SLC6A3: variants seen among roughly 807,000 people sequenced by gnomAD.
SLC6A3 encodes the protein solute carrier family 6 member 3, also known as sodium-dependent dopamine transporter.
SLC6A3 carries 19 observed loss-of-function variants against 70.4 expected under a neutral mutation model. The observed-to-expected ratio is 0.27, with a 90% CI of 0.19 to 0.40. The LOEUF is 0.40. SLC6A3 is among the 10% of genes least tolerant of loss of function. The pLI is 1.00. For missense variants in SLC6A3, 613 were observed against 838.5 expected (o/e 0.73, Z 3.32); for synonymous variants, 368 against 356.6 (o/e 1.03, Z -0.36).
chr5:1,439,508 G>A (rs975687704), intron 3 of SLC6A3, among the ~76,000 whole-genome samples: 18 of 152,322 alleles, frequency 1.2e-4, no homozygotes, highest in African/African-American at 4.1e-4. Flanking sequence ...GCATTTCCAC[G>A]GCTGCGAGAC....
chr5:1,419,179 GCTAC>G (rs1406369619), intron 6 of SLC6A3, among the ~76,000 whole-genome samples: 1 of 141,050 alleles, frequency 7.1e-6, no homozygotes, highest in Non-Finnish European at 1.5e-5. Flanking sequence ...ATACTATCCA[GCTAC>G]CTACCTATCA....
In SLC6A3 at chr5:1,402,923, T is replaced by A. The variant is rs757597222; in HGVS notation, c.1766A>T (p.Glu589Val). 4.8e-5 allele frequency: 78 copies of A among 1,612,882 alleles called. No individual in the cohort carries two copies. The highest frequency in any genetic ancestry group is 1.0e-5 in the Non-Finnish European group (12 of 1,179,954). The change falls in exon 13 of 15, where the codon GAG (glutamate) becomes GTG (valine). Residue 589 changes from glutamate to valine, a missense_variant and splice_region_variant. Physicochemically the swap from Glu to Val is moderately radical, Grantham distance 121. This residue lies in a region of SLC6A3 where 348 missense variants were observed against 481.2 expected (regional missense o/e 0.72). Transcript: ENST00000270349. This position sits in a 1 kb window ranked among gnomAD's most constrained non-coding sequence, Gnocchi z 8.5. ...AAGGCGCCCCGTCCAAATACCCACC[T>A]CTCGAAAGGACCCAGGCAGGCTGCA... is the stretch of plus-strand genomic sequence containing the variant. ...KFCSLPGSFR[E>V]KLAYAIAPEK...
chr5:1,408,337 C>T lies in SLC6A3; in HGVS notation c.1498+689G>A, dbSNP rs985836932. Among the ~76,000 whole-genome samples the T allele has an allele frequency of 5.9e-5, 9 of 152,042 alleles. No individual in the cohort carries two copies. The highest frequency in any genetic ancestry group is 1.0e-4 in the Non-Finnish European group (7 of 68,002). ...GATTACAGGCGTGAGTCACCGCGCC[C>T]GGACCACACATTCATGGCGAGATGC... On this transcript the variant is annotated intron_variant, in intron 11 of 14. Transcript: ENST00000270349. The surrounding 1 kb of genome is among the most constrained non-coding windows in gnomAD (Gnocchi z 6.4).
chr5:1,415,638 T>C (rs377087032), intron 7 of SLC6A3, among the ~76,000 whole-genome samples: 1 of 152,192 alleles, frequency 6.6e-6, no homozygotes, highest in East Asian at 1.9e-4. Flanking sequence ...TTAGAAGGAT[T>C]TGGGGTCCGG....
intron 4 of SLC6A3, among the ~76,000 whole-genome samples, chr5:1,422,628 C>T (rs1320818979): frequency 1.5e-4 from 11 of 74,154 alleles, no homozygotes; most frequent in African/African-American, 4.5e-4. Flanking sequence ...GGGTGCCCAC[C>T]GCTGCCCAGT....
In SLC6A3 at chr5:1,437,262, AAAAAG is replaced by A. The variant is rs926883844; in HGVS notation, c.418+4092_418+4096del. On this transcript the variant is annotated intron_variant, in intron 3 of 14. Transcript: ENST00000270349. The surrounding 1 kb of genome is among the most constrained non-coding windows in gnomAD (Gnocchi z 4.8). ...GAGATTCCGTCTCACAAAAAAAAAAAAAAAGAAAAGAAAAGAAAAGAAAGAGGGGA... is the reference window on the plus strand; with the variant it reads ...GAGATTCCGTCTCACAAAAAAAAAAAAAAAGAAAAGAAAAGAAAGAGGGGA... 9.9e-5 allele frequency among the ~76,000 whole-genome samples: 15 copies of A among 151,790 alleles called. No individual in the cohort carries two copies. Among genetic ancestry groups the A allele is most frequent in the South Asian group, 8.3e-4 (4 of 4,804 alleles).
At chr5:1,435,776 ATGGCT>A (rs1756816116) in intron 3 of SLC6A3, among the ~76,000 whole-genome samples, 75 of 124,282 alleles carry the variant, frequency 6.0e-4, no homozygotes, top group African/African-American at 2.0e-3. Context: ...GGGTGAGGAA[ATGGCT>A]CCCTTGAACG....
At chr5:1,398,622 CACTT>C (rs1755776040) in intron 14 of SLC6A3, among the ~76,000 whole-genome samples, 1 of 152,182 alleles carries the variant, frequency 6.6e-6, no homozygotes, top group Non-Finnish European at 1.5e-5. Flanking sequence ...TTGCAAAAGA[CACTT>C]AAATCTTAAG....
rs1475278216 is a variant in SLC6A3, at chr5:1,405,394, A to G, written c.1599+794T>C. Among the ~76,000 whole-genome samples, 7 of 152,192 alleles carry G rather than the reference A, an allele frequency of 4.6e-5. No individual in the cohort carries two copies. The highest frequency in any genetic ancestry group is 8.8e-5 in the Non-Finnish European group (6 of 68,032). ...TGACTCCGGGACCAGCCCTTGGTCC[A>G]TGAGAGGGTGCGGCCTGAGTCCCCT... is the stretch of plus-strand genomic sequence containing the variant. On this transcript the variant is annotated intron_variant, in intron 12 of 14. Transcript: ENST00000270349. This position sits in a 1 kb window ranked among gnomAD's most constrained non-coding sequence, Gnocchi z 5.3.
intron 3 of SLC6A3, among the ~76,000 whole-genome samples, chr5:1,435,143 G>A (rs1455439616): frequency 6.6e-6 from 1 of 152,100 alleles, no homozygotes; most frequent in African/African-American, 2.4e-5. Flanking sequence ...CTTCTCCCAC[G>A]TGGATCTGGT....
In SLC6A3 at chr5:1,432,507, G is replaced by A; in HGVS notation, c.610C>T (p.Leu204Phe). 1.2e-6 allele frequency: 2 copies of A among 1,614,202 alleles called. No individual in the cohort carries two copies. Among genetic ancestry groups the A allele is most frequent in the Admixed American group, 1.7e-5 (1 of 60,034 alleles). Reference protein sequence around the residue: ...PGDSSGDSSGLNDTFGTTPAA... With the variant: ...PGDSSGDSSGFNDTFGTTPAA... Reference sequence around the variant, plus strand: ...GGTGTGGTCCCAAAAGTGTCGTTGAGGCCCGAGCTGTCTCCACTGGAGTCA... The same window carrying A: ...GGTGTGGTCCCAAAAGTGTCGTTGAAGCCCGAGCTGTCTCCACTGGAGTCA... The change falls in exon 4 of 15, where the codon CTC becomes TTC. Residue 204 changes from leucine to phenylalanine, a missense_variant. Physicochemically the swap from Leu to Phe is conservative, Grantham distance 22. Transcript: ENST00000270349.
rs1048679729 is a variant in SLC6A3 at position 1,442,071 on chromosome 5, C to G, written c.287-581G>C. 6.6e-6 allele frequency among the ~76,000 whole-genome samples: 1 copy of G among 152,168 alleles called. No homozygotes were observed. The highest frequency in any genetic ancestry group is 1.5e-5 in the Non-Finnish European group (1 of 68,024). On this transcript the variant is annotated intron_variant, in intron 2 of 14. Coordinates refer to ENST00000270349, the MANE Select transcript of SLC6A3 (RefSeq NM_001044.5). The surrounding 1 kb of genome is among the most constrained non-coding windows in gnomAD (Gnocchi z 5.0). ...CACCCCCAGCACAAAGCCCAGGGAA[C>G]CCTGGTCTCAACCTCCTAAATTCCC...
chr5:1,415,682 C>T (rs766158485), intron 7 of SLC6A3, among the ~76,000 whole-genome samples: 3 of 151,930 alleles, frequency 2.0e-5, no homozygotes, highest in Non-Finnish European at 4.4e-5. Context: ...GTAAGTAACA[C>T]GGGGTGCATA....
chr5:1,434,900 T>G (rs149610049), intron 3 of SLC6A3, among the ~76,000 whole-genome samples: 4 of 152,304 alleles, frequency 2.6e-5, no homozygotes, highest in African/African-American at 9.6e-5. Context: ...TTTAAACAAA[T>G]CTAAGATCAG....
intron 6 of SLC6A3, 127 bp from the exon 7 acceptor site, chr5:1,416,328 A>T: frequency 2.8e-6 from 2 of 723,174 alleles, no homozygotes; most frequent in South Asian, 2.9e-5. Context: ...CTCAAGAAGT[A>T]AATGGCAGCA....
chr5:1,402,787 GT>G lies in SLC6A3; in HGVS notation c.1767+134del. The G allele has an allele frequency of 1.1e-6, 1 of 875,808 alleles. No individual in the cohort carries two copies. Among genetic ancestry groups the G allele is most frequent in the Non-Finnish European group, 1.9e-6 (1 of 537,352 alleles). 54.3% of individuals were successfully genotyped at this position (875,808 alleles called of 1,614,324 possible). A position where few individuals can be genotyped will look rare whatever the true frequency, so the allele number is the denominator to read the frequency against. On this transcript the variant is annotated intron_variant, in intron 13 of 14. Coordinates refer to ENST00000270349, the MANE Select transcript of SLC6A3 (RefSeq NM_001044.5). This position sits in a 1 kb window ranked among gnomAD's most constrained non-coding sequence, Gnocchi z 8.5. ...ACACACACGCACACACACACACAGT[GT>G]TGTGGTGGCCACCTCCAGTCTCCTC... is the stretch of plus-strand genomic sequence containing the variant.
At chr5:1,415,091 A>C (rs1436672838) in intron 7 of SLC6A3, among the ~76,000 whole-genome samples, 1 of 151,916 alleles carries the variant, frequency 6.6e-6, no homozygotes, top group Non-Finnish European at 1.5e-5. Flanking sequence ...CTTGCTGTGG[A>C]CACCTCACCC....
At position 1,406,060 on chromosome 5, in the gene SLC6A3, GCCGAGTCTTGAGGCC is replaced by G; in HGVS notation, c.1599+113_1599+127del. On this transcript the variant is annotated intron_variant, in intron 12 of 14. Transcript: ENST00000270349. This position sits in a 1 kb window ranked among gnomAD's most constrained non-coding sequence, Gnocchi z 8.8. Reference sequence around the variant, plus strand: ...TTCAGGGATCAGCCTGTCCTTCTGGGCCGAGTCTTGAGGCCCCTGACTCCAGCCACAGTGACAACC... The same window carrying G: ...TTCAGGGATCAGCCTGTCCTTCTGGGCCTGACTCCAGCCACAGTGACAACC... 1 of 740,080 alleles carries G rather than the reference GCCGAGTCTTGAGGCC, an allele frequency of 1.4e-6. No homozygotes were observed. The highest frequency in any genetic ancestry group is 1.4e-5 in the South Asian group (1 of 69,768). 45.8% of individuals were successfully genotyped at this position (740,080 alleles called of 1,614,324 possible).
At chr5:1,441,052 T>C (rs897720065) in intron 3 of SLC6A3, among the ~76,000 whole-genome samples, 5 of 152,252 alleles carry the variant, frequency 3.3e-5, no homozygotes, top group African/African-American at 1.2e-4. Flanking sequence ...GATGGACCGA[T>C]GGATGATAGG....
Sources: gnomAD v4.1 joint callset for allele counts (sites outside exome capture counted in the v4.1 genomes callset) on GRCh38, gnomAD v4.1.1 for gene constraint, gnomAD v4.1.1 regional missense constraint, Gnocchi (gnomAD v3.1) non-coding constraint, MANE v1.5 for transcripts, NCBI Gene and HGNC (gene_info 2026-07-23, HGNC 2026-07-21) for gene names.